The following ZWILCH variants were observed in gnomAD, a reference collection of about 807,000 sequenced individuals.
ZWILCH encodes zwilch kinetochore protein.
A neutral mutation model predicts 79.9 loss-of-function variants in ZWILCH; 74 were observed. The observed-to-expected ratio is 0.93, with a 90% CI of 0.77 to 1.12. The LOEUF (loss-of-function observed/expected upper bound fraction) is 1.12. Ranked by LOEUF, ZWILCH falls within the 50% of genes most tolerant of loss-of-function variation. The pLI is 0.00. For synonymous variants in ZWILCH, 241 were observed against 228.2 expected (o/e 1.06, Z -0.51); for missense variants, 694 against 687.5 (o/e 1.01, Z -0.11).
Position 66,527,709 on chromosome 15 carries a change from A to G in ZWILCH, c.914-148A>G. 7 of 709,562 alleles carry G rather than the reference A, an allele frequency of 9.9e-6. No individual in the cohort carries two copies. In the South Asian group the frequency reaches 1.1e-4, roughly 11 times the overall value. 44.0% of individuals were successfully genotyped at this position (709,562 alleles called of 1,614,324 possible). On this transcript the variant is annotated intron_variant, in intron 9 of 18. Coordinates refer to ENST00000307897, the MANE Select transcript of ZWILCH (RefSeq NM_017975.5). ...TCACACCCCCACCTGATGGATATCT[A>G]TTATAATCTCCACCAGAGTTCAGTG...
At chr15:66,535,352 A>G (rs1427583290) in intron 14 of ZWILCH, among the ~76,000 whole-genome samples, 1 of 152,128 alleles carries the variant, frequency 6.6e-6, no homozygotes. Context: ...TACTGGCGAG[A>G]GGGATTTTTC....
intron 12 of ZWILCH, among the ~76,000 whole-genome samples, chr15:66,531,089 G>C (rs965365272): frequency 6.6e-6 from 1 of 152,208 alleles, no homozygotes; most frequent in African/African-American, 2.4e-5. Context: ...CATTTTATGA[G>C]TACCTAAAAT....
intron 3 of ZWILCH, chr15:66,514,293 A>C: frequency 3.4e-6 from 1 of 292,600 alleles, no homozygotes; most frequent in Non-Finnish European, 6.4e-6. Flanking sequence ...GAAATAATCG[A>C]TAAAATTCAC....
At position 66,535,186 on chromosome 15, in the gene ZWILCH, T is replaced by C. The variant is rs181478865; in HGVS notation, c.1342-747T>C. On this transcript the variant is annotated intron_variant, in intron 14 of 18. Coordinates refer to ENST00000307897, the MANE Select transcript of ZWILCH (RefSeq NM_017975.5). ...AGCTCTCCAGGGGCAAGAACACACA[T>C]GGAACTGTTATCACCTATGAGATAA... Among the ~76,000 whole-genome samples the C allele has an allele frequency of 2.2e-3, 341 of 152,248 alleles. 2 individuals carry two copies. The highest frequency in any genetic ancestry group is 8.1e-3 in the African/African-American group (336 of 41,538).
chr15:66,534,957 CACTT>C (rs1309478555), intron 14 of ZWILCH, among the ~76,000 whole-genome samples: 1 of 152,050 alleles, frequency 6.6e-6, no homozygotes, highest in Non-Finnish European at 1.5e-5. Context: ...TTTGTAATAA[CACTT>C]AAAATACAAA....
chr15:66,513,324 G>C (rs1471539476), intron 2 of ZWILCH, among the ~76,000 whole-genome samples: 1 of 151,930 alleles, frequency 6.6e-6, no homozygotes, highest in African/African-American at 2.4e-5. Context: ...CCAGCACTTT[G>C]GGAGACAGAG....
At chr15:66,536,118 A>C in intron 15 of ZWILCH, 49 bp downstream of exon 15, 1 of 1,499,644 alleles carries the variant, frequency 6.7e-7, no homozygotes, top group South Asian at 1.3e-5. Context: ...TTTCTTTTGA[A>C]ATAGTTACAG....
intron 5 of ZWILCH, 184 bp from the exon 6 acceptor site, chr15:66,520,406 C>T: frequency 1.9e-6 from 1 of 524,600 alleles, no homozygotes. Flanking sequence ...TATGTGTGAG[C>T]CACCATACCC....
chr15:66,538,188 C>T (rs1895072876), intron 16 of ZWILCH, among the ~76,000 whole-genome samples: 1 of 152,172 alleles, frequency 6.6e-6, no homozygotes, highest in African/African-American at 2.4e-5. Flanking sequence ...CATACTATAG[C>T]CACTCTATTT....
intron 1 of ZWILCH, among the ~76,000 whole-genome samples, chr15:66,507,904 A>C (rs1893888709): frequency 6.7e-6 from 1 of 149,462 alleles, no homozygotes; most frequent in Non-Finnish European, 1.5e-5. Flanking sequence ...CTGTACTCCA[A>C]CTCCAGCCTG....
intron 4 of ZWILCH, among the ~76,000 whole-genome samples, chr15:66,517,462 G>T (rs1442783172): frequency 4.6e-5 from 3 of 65,548 alleles, no homozygotes; most frequent in East Asian, 5.3e-4. Flanking sequence ...ATATAGTAAT[G>T]TACACACATA....
chr15:66,518,757 GC>G lies in ZWILCH; in HGVS notation c.321-121del, dbSNP rs1444389960. 21 of 875,158 alleles carry G rather than the reference GC, an allele frequency of 2.4e-5. No individual in the cohort carries two copies. In the East Asian group the frequency reaches 5.5e-4, roughly 23 times the overall value. 54.2% of individuals were successfully genotyped at this position (875,158 alleles called of 1,614,324 possible). On this transcript the variant is annotated intron_variant, in intron 4 of 18. Transcript: ENST00000307897. Reference sequence around the variant, plus strand: ...GCCAAGGAGGCCAAGGCTGTAGTGAGCTATGATCGCACCACTGCATTCCAGC... The same window carrying G: ...GCCAAGGAGGCCAAGGCTGTAGTGAGTATGATCGCACCACTGCATTCCAGC...
intron 4 of ZWILCH, among the ~76,000 whole-genome samples, chr15:66,517,455 T>TATATATATATATATATATAGAG (rs1180456312): frequency 1.0e-4 from 12 of 115,210 alleles, no homozygotes; most frequent in Admixed American, 3.0e-4. Flanking sequence ...TATATATATA[T>TATATATATATATATATATAGAG]AGTAATGTAC....
chr15:66,527,997 G>A (rs574108688), intron 10 of ZWILCH, 85 bp downstream of exon 10: 56 of 1,142,602 alleles, frequency 4.9e-5, no homozygotes, highest in Admixed American at 1.6e-4. Flanking sequence ...TTGTACCATC[G>A]CAAATGGATT....
In ZWILCH at chr15:66,520,566, ATTTC is replaced by A. The variant is rs765165555; in HGVS notation, c.521-15_521-12del. 3 of 1,270,676 alleles carry A rather than the reference ATTTC, an allele frequency of 2.4e-6. No homozygotes were observed. Among genetic ancestry groups the A allele is most frequent in the East Asian group, 4.7e-5 (2 of 42,352 alleles). 78.7% of individuals were successfully genotyped at this position (1,270,676 alleles called of 1,614,324 possible). A position where few individuals can be genotyped will look rare whatever the true frequency, so the allele number is the denominator to read the frequency against. On this transcript the variant is annotated intron_variant, in intron 5 of 18. Transcript: ENST00000307897. ...ATGTAATTTTGAGTTGTGCCTTTAC[ATTTC>A]TTTCTTTCATTTCCTATAGCTGATA... is the stretch of plus-strand genomic sequence containing the variant.
In ZWILCH at chr15:66,505,360, G is replaced by T. The variant is rs1893769045; in HGVS notation, c.22G>T (p.Ala8Ser). 1 of 1,613,950 alleles carries T rather than the reference G, an allele frequency of 6.2e-7. No individual in the cohort carries two copies. Among genetic ancestry groups the T allele is most frequent in the Non-Finnish European group, 8.5e-7 (1 of 1,180,016 alleles). The stretch of plus-strand genomic sequence containing the variant: ...CGGGATGTGGGAGCGGCTGAACTGC[G>T]CAGCAGAGGACTTTTATTCTCGTCT... MWERLNC[A>S]AEDFYSRLLQ... Residue 8 changes from alanine (A) to serine (S), a missense_variant, in exon 1 of 19, where the codon GCA becomes TCA. Physicochemically the swap from Ala to Ser is moderately conservative, Grantham distance 99. Transcript: ENST00000307897.
At position 66,549,985 on chromosome 15, in the gene ZWILCH, A is replaced by G; in HGVS notation, c.*1661A>G. On this transcript the variant is annotated 3_prime_UTR_variant, in exon 19 of 19. Transcript: ENST00000307897. ...CACATTTTGAGATTTTGAAAATGATATGTATAATTATTTAGTTTAATTATT... is the reference window on the plus strand; with the variant it reads ...CACATTTTGAGATTTTGAAAATGATGTGTATAATTATTTAGTTTAATTATT... 1 of 1,148,442 alleles carries G rather than the reference A, an allele frequency of 8.7e-7. No homozygotes were observed. The highest frequency in any genetic ancestry group is 1.2e-6 in the Non-Finnish European group (1 of 816,594). The allele number at this position is 1,148,442 out of a possible 1,614,324, so 71.1% of individuals were successfully genotyped here.
At position 66,531,455 on chromosome 15, in the gene ZWILCH, T is replaced by A. The variant is rs573964108; in HGVS notation, c.1156-792T>A. ...GAGATAGGAATGGCTTTTTAAATTT[T>A]ATTTTATTTTATTTTATTTTTTTGA... On this transcript the variant is annotated intron_variant, in intron 12 of 18. Coordinates refer to ENST00000307897, the MANE Select transcript of ZWILCH (RefSeq NM_017975.5). Among the ~76,000 whole-genome samples the A allele has an allele frequency of 2.0e-5, 3 of 152,066 alleles. 1 individual carries two copies. In the South Asian group the frequency reaches 6.2e-4, roughly 32 times the overall value.
chr15:66,510,224 A>G (rs1894006103), intron 2 of ZWILCH, among the ~76,000 whole-genome samples: 1 of 135,934 alleles, frequency 7.4e-6, no homozygotes, highest in Non-Finnish European at 1.7e-5. Context: ...AAAATAAAAT[A>G]TAAAATAAAA....
Sources: allele counts gnomAD v4.1 joint callset (sites outside exome capture counted in the v4.1 genomes callset), GRCh38; gene constraint gnomAD v4.1.1; transcripts MANE v1.5; gene names NCBI Gene and HGNC (gene_info 2026-07-23, HGNC 2026-07-21).